CLASRP: variants seen among roughly 807,000 people sequenced by gnomAD.
CLASRP encodes CLK4-associating serine/arginine rich protein.
In CLASRP, 52 loss-of-function variants were observed where a neutral mutation model predicts 99.9. The ratio of observed to expected loss-of-function variants is 0.52; its 90% CI spans 0.42 to 0.66. The LOEUF (loss-of-function observed/expected upper bound fraction) is 0.66. CLASRP is among the 30% of genes least tolerant of loss of function. The pLI, the probability that CLASRP is intolerant of heterozygous loss-of-function variation, is 0.00. For synonymous variants in CLASRP, 379 were observed against 373.0 expected (o/e 1.02, Z -0.18); for missense variants, 848 against 999.2 (o/e 0.85, Z 2.04).
At chr19:45,050,945 C>G (rs1162061326) in intron 2 of CLASRP, among the ~76,000 whole-genome samples, 4 of 152,020 alleles carry the variant, frequency 2.6e-5, no homozygotes, top group African/African-American at 9.7e-5. Context: ...TCTCGAACTC[C>G]TGACCTCAGG....
At chr19:45,068,968 C>T (rs1967165394) in intron 16 of CLASRP, 98 bp from the exon 17 acceptor site, 17 of 1,128,656 alleles carry the variant, frequency 1.5e-5, no homozygotes, top group South Asian at 1.3e-4. Context: ...CCAGCCTGGG[C>T]GACAGAGCGA....
Position 45,064,603 on chromosome 19 carries a change from G to T in CLASRP, c.1382G>T (p.Gly461Val). 6.4e-7 allele frequency: 1 copy of T among 1,552,304 alleles called. No individual in the cohort carries two copies. Among genetic ancestry groups the T allele is most frequent in the Non-Finnish European group, 8.7e-7 (1 of 1,154,834 alleles). Residue 461 changes from glycine to valine, a missense_variant, in exon 13 of 21, where the codon GGT becomes GTT. By Grantham distance (109) the Gly-to-Val change is moderately radical. Coordinates refer to ENST00000221455, the MANE Select transcript of CLASRP (RefSeq NM_007056.3). ...TACTCCCGCTCGCCCGCCCGGCGTGGTGGTTACGGGCCCCGGCGCAGAAGC... is the reference window on the plus strand; with the variant it reads ...TACTCCCGCTCGCCCGCCCGGCGTGTTGGTTACGGGCCCCGGCGCAGAAGC... ...HRYSRSPARRGGYGPRRRSRS... is the reference protein window; with the variant it reads ...HRYSRSPARRVGYGPRRRSRS...
At chr19:45,063,399 T>TA (rs1490973846) in intron 11 of CLASRP, among the ~76,000 whole-genome samples, 2 of 150,466 alleles carry the variant, frequency 1.3e-5, no homozygotes, top group Non-Finnish European at 3.0e-5. Flanking sequence ...ATCTTTTGAG[T>TA]AAAACTTTTC....
Position 45,060,449 on chromosome 19 carries a change from G to A in CLASRP, c.771G>A (p.Glu257=), listed in dbSNP as rs372954942. The change falls in exon 9 of 21, where the codon GAG becomes GAA. Residue 257 remains glutamate (E), a synonymous_variant. Coordinates refer to ENST00000221455, the MANE Select transcript of CLASRP (RefSeq NM_007056.3). The surrounding 1 kb of genome is among the most constrained non-coding windows in gnomAD (Gnocchi z 4.6). ...EAIKHAKALE[E]EKAMYSGRRS... ...TCAAGCATGCCAAGGCTCTTGAGGA[G>A]GAGAAGGCCATGTACTCGGTGAGGT... 3.9e-4 allele frequency: 634 copies of A among 1,614,064 alleles called. 1 individual carries two copies. The highest frequency in any genetic ancestry group is 5.0e-4 in the Non-Finnish European group (590 of 1,180,030).
rs1972036450 is a variant in CLASRP, at chr19:45,052,165, A to G, written c.194A>G (p.Asn65Ser). 1 of 1,613,522 alleles carries G rather than the reference A, an allele frequency of 6.2e-7. No individual in the cohort carries two copies. The highest frequency in any genetic ancestry group is 1.3e-5 in the African/African-American group (1 of 74,884). ...AVALAAESPV[N>S]MMPWQGDTNN... ...GCCCTGGCCGCTGAGAGCCCTGTTA[A>G]TATGTAAGACTGATATGGAAGGCAG... is the stretch of plus-strand genomic sequence containing the variant. The change falls in exon 3 of 21, where the codon AAT (asparagine) becomes AGT (serine). Residue 65 changes from asparagine to serine, a missense_variant. This residue lies in a region of CLASRP where 46 missense variants were observed against 96.8 expected (regional missense o/e 0.48). Coordinates refer to ENST00000221455, the MANE Select transcript of CLASRP (RefSeq NM_007056.3).
chr19:45,060,348 C>T lies in CLASRP; in HGVS notation c.711-41C>T. Reference sequence around the variant, plus strand: ...AGTCTGTGTCCTCCTTACCCTGTGGCCTGCCCCATCCTCCACCCTAATTCT... The same window carrying T: ...AGTCTGTGTCCTCCTTACCCTGTGGTCTGCCCCATCCTCCACCCTAATTCT... On this transcript the variant is annotated intron_variant, in intron 8 of 20. Transcript: ENST00000221455. The surrounding 1 kb of genome is among the most constrained non-coding windows in gnomAD (Gnocchi z 4.6). The T allele has an allele frequency of 6.3e-7, 1 of 1,577,238 alleles. No individual in the cohort carries two copies. Among genetic ancestry groups the T allele is most frequent in the Non-Finnish European group, 8.7e-7 (1 of 1,146,586 alleles).
intron 1 of CLASRP, chr19:45,039,433 T>G (rs896985239): frequency 6.6e-6 from 1 of 150,392 alleles, no homozygotes; most frequent in African/African-American, 2.4e-5. Flanking sequence ...CGTCCAAACC[T>G]TCGGTCTCCG....
At chr19:45,058,798 G>A (rs1295979790) in intron 7 of CLASRP, among the ~76,000 whole-genome samples, 1 of 151,264 alleles carries the variant, frequency 6.6e-6, no homozygotes, top group Non-Finnish European at 1.5e-5. Flanking sequence ...CCCACACCCT[G>A]CCTGCCACCC....
chr19:45,043,195 T>TCGTGTG (rs373093839), intron 2 of CLASRP, among the ~76,000 whole-genome samples: 1 of 134,690 alleles, frequency 7.4e-6, no homozygotes, highest in Non-Finnish European at 1.6e-5. Context: ...AAGGAATACT[T>TCGTGTG]TGTGTGTGTG....
chr19:45,064,510 G>T lies in CLASRP; in HGVS notation c.1289G>T (p.Arg430Leu). 6.5e-7 allele frequency: 1 copy of T among 1,537,056 alleles called. No homozygotes were observed. Among genetic ancestry groups the T allele is most frequent in the Non-Finnish European group, 8.7e-7 (1 of 1,146,094 alleles). Residue 430 changes from arginine to leucine, a missense_variant, in exon 13 of 21, where the codon CGG becomes CTG. Arg to Leu is a moderately radical substitution (Grantham distance 102). Coordinates refer to ENST00000221455, the MANE Select transcript of CLASRP (RefSeq NM_007056.3). ...TGGTCCCGCTCCCGCTCCCGCTCCC[G>T]GCGCTATTCCCGGTCCCGTAGCCGT... is the stretch of plus-strand genomic sequence containing the variant. ...RSWSRSRSRS[R>L]RYSRSRSRGR... is the part of the protein sequence containing the mutation.
Position 45,067,507 on chromosome 19 carries a change from G to A in CLASRP, c.1580G>A (p.Ser527Asn). Residue 527 changes from serine (S) to asparagine (N), a missense_variant, in exon 14 of 21, where the codon AGC (serine) becomes AAC (asparagine). Around this residue, in one of 8 missense-constraint regions of CLASRP, gnomAD observed 489 missense variants for 434.7 expected, o/e 1.12. Transcript: ENST00000221455. This position sits in a 1 kb window ranked among gnomAD's most constrained non-coding sequence, Gnocchi z 4.9. Reference sequence around the variant, plus strand: ...AGCCAGAGCCGCAGCCGCAGCCGCAGCCGCAGCCAGAGCCCCTCGCCATCA... The same window carrying A: ...AGCCAGAGCCGCAGCCGCAGCCGCAACCGCAGCCAGAGCCCCTCGCCATCA... Reference protein sequence around the residue: ...SPSQSRSRSRSRSQSPSPSPA... With the variant: ...SPSQSRSRSRNRSQSPSPSPA... The A allele has an allele frequency of 6.3e-7, 1 of 1,593,430 alleles. No homozygotes were observed. The highest frequency in any genetic ancestry group is 1.3e-5 in the African/African-American group (1 of 74,674).
Position 45,067,231 on chromosome 19 carries a change from A to C in CLASRP, c.1410-106A>C, listed in dbSNP as rs1967106309. On this transcript the variant is annotated intron_variant, in intron 13 of 20. Transcript: ENST00000221455. This position sits in a 1 kb window ranked among gnomAD's most constrained non-coding sequence, Gnocchi z 4.9. ...GCAGGAGAGGAGAGTCGAGCCTGTC[A>C]CCCTGGGCCTTGCAGGAAGGAGGAC... 6.2e-6 allele frequency: 8 copies of C among 1,293,104 alleles called. No individual in the cohort carries two copies. Among genetic ancestry groups the C allele is most frequent in the Non-Finnish European group, 8.2e-6 (8 of 972,654 alleles). 80.1% of individuals were successfully genotyped at this position (1,293,104 alleles called of 1,614,324 possible).
chr19:45,063,475 TCAC>T (rs1966989820), intron 11 of CLASRP, among the ~76,000 whole-genome samples: 2 of 134,636 alleles, frequency 1.5e-5, no homozygotes, highest in Non-Finnish European at 3.1e-5. Context: ...AGACGGAGTC[TCAC>T]TCTGTTGCCC....
At chr19:45,063,345 C>T (rs1212863704) in intron 11 of CLASRP, among the ~76,000 whole-genome samples, 2 of 150,622 alleles carry the variant, frequency 1.3e-5, no homozygotes, top group East Asian at 1.9e-4. Context: ...TTGCACCACA[C>T]TCAGTGTTTT....
chr19:45,050,950 C>T (rs1019517894), intron 2 of CLASRP, among the ~76,000 whole-genome samples: 14 of 151,942 alleles, frequency 9.2e-5, no homozygotes, highest in Non-Finnish European at 1.8e-4. Flanking sequence ...AACTCCTGAC[C>T]TCAGGTGATC....
rs754087821 is a variant in CLASRP at position 45,069,197 on chromosome 19, T to C, written c.1828-5T>C. On this transcript the variant is annotated splice_region_variant and splice_polypyrimidine_tract_variant and intron_variant, in intron 17 of 20. Transcript: ENST00000221455. ...GCCACGTCCTCATAGCCCTGTCTGCTGCAGGAGCGGGAAGACGAGCTTCGA... is the reference window on the plus strand; with the variant it reads ...GCCACGTCCTCATAGCCCTGTCTGCCGCAGGAGCGGGAAGACGAGCTTCGA... The C allele has an allele frequency of 6.2e-7, 1 of 1,614,092 alleles. No individual in the cohort carries two copies. The highest frequency in any genetic ancestry group is 1.1e-5 in the South Asian group (1 of 91,084).
intron 2 of CLASRP, 152 bp downstream of exon 2, chr19:45,040,463 T>C (rs2088363554): frequency 3.5e-6 from 2 of 573,658 alleles, no homozygotes; most frequent in Non-Finnish European, 3.2e-6. Flanking sequence ...GGATAATCAT[T>C]GGTGGGATCC....
At chr19:45,062,385 A>AT (rs1315193017) in intron 11 of CLASRP, among the ~76,000 whole-genome samples, 190 bp downstream of exon 11, 2 of 150,748 alleles carry the variant, frequency 1.3e-5, no homozygotes, top group South Asian at 2.1e-4. Context: ...TTTAAATAAA[A>AT]TTTTTTTTTT....
intron 6 of CLASRP, 134 bp from the exon 7 acceptor site, chr19:45,057,616 A>G: frequency 1.0e-6 from 1 of 962,598 alleles, no homozygotes; most frequent in Non-Finnish European, 1.6e-6. Context: ...GGGTGTGGGC[A>G]GGAGCAGAGG....
Sources: gnomAD v4.1 joint callset for allele counts (sites outside exome capture counted in the v4.1 genomes callset) on GRCh38, gnomAD v4.1.1 for gene constraint, gnomAD v4.1.1 regional missense constraint, Gnocchi (gnomAD v3.1) non-coding constraint, MANE v1.5 for transcripts, NCBI Gene and HGNC (gene_info 2026-07-23, HGNC 2026-07-21) for gene names.